The following INPP5B variants were observed in gnomAD, a reference collection of about 807,000 sequenced individuals.
The protein encoded by INPP5B is inositol polyphosphate-5-phosphatase B, also known as type II inositol 1,4,5-trisphosphate 5-phosphatase.
In INPP5B, 90 loss-of-function variants were observed where a neutral mutation model predicts 118.5. The observed-to-expected ratio is 0.76, with a 90% CI of 0.64 to 0.90. The LOEUF is 0.90. INPP5B is among the 40% of genes least tolerant of loss of function. The probability of loss-of-function intolerance (pLI) is 0.00; values close to 1 mark genes in which losing one functional copy is unlikely to be tolerated. For synonymous variants in INPP5B, 385 were observed against 418.9 expected, an observed-to-expected ratio of 0.92 and a Z score of 0.99; for missense variants, 984 against 1,125.6, an observed-to-expected ratio of 0.87 and a Z score of 1.80.
At position 37,932,012 on chromosome 1, in the gene INPP5B, A is replaced by G; in HGVS notation, c.433T>C (p.Ser145Pro). 1 of 1,607,902 alleles carries G rather than the reference A, an allele frequency of 6.2e-7. No individual in the cohort carries two copies. The highest frequency in any genetic ancestry group is 1.7e-5 in the Admixed American group (1 of 59,330). ...TCCAGCTCTGCGCACCTATACCGAG[A>G]CAGCCACAGGAATTCAGGATCCCGG... ...ATRDPEFLWL[S>P]RYRCAELELE... Residue 145 changes from serine (S) to proline (P), a missense_variant, in exon 7 of 24, where the codon TCT becomes CCT. Physicochemically the swap from Ser to Pro is moderately conservative, Grantham distance 74. This residue lies in a region of INPP5B where 350 missense variants were observed against 334.6 expected (regional missense o/e 1.05). Transcript: ENST00000373024.
intron 13 of INPP5B, among the ~76,000 whole-genome samples, chr1:37,884,866 A>G (rs968012552): frequency 2.6e-5 from 4 of 151,230 alleles, no homozygotes; most frequent in Non-Finnish European, 5.9e-5. Context: ...CAGGAGAATC[A>G]TTTGAACTGG....
At chr1:37,874,602 A>G (rs1038067823) in intron 17 of INPP5B, among the ~76,000 whole-genome samples, 1 of 152,322 alleles carries the variant, frequency 6.6e-6, no homozygotes, top group Non-Finnish European at 1.5e-5. Context: ...GTTCAAGACC[A>G]GCCTGGCCAA....
intron 7 of INPP5B, among the ~76,000 whole-genome samples, chr1:37,894,121 C>A (rs1245313606): frequency 6.6e-6 from 1 of 152,190 alleles, no homozygotes; most frequent in Non-Finnish European, 1.5e-5. Flanking sequence ...TATCACAAAG[C>A]ATTATTCTCT....
chr1:37,931,524 CAG>C, intron 7 of INPP5B: 1 of 1,535,802 alleles, frequency 6.5e-7, no homozygotes, highest in Non-Finnish European at 8.7e-7. Context: ...ACTTCTGCCC[CAG>C]TGTCCCAGCC....
At chr1:37,922,691 G>A (rs113556568) in intron 7 of INPP5B, among the ~76,000 whole-genome samples, 1,762 of 152,156 alleles carry the variant, frequency 0.012, 37 homozygotes, top group African/African-American at 0.041. Context: ...GCGAGACTCC[G>A]TCTCAAAAAA....
intron 7 of INPP5B, chr1:37,930,841 A>T (rs908359395): frequency 6.6e-6 from 1 of 152,264 alleles, no homozygotes; most frequent in African/African-American, 2.4e-5. Flanking sequence ...GCTACTTGAC[A>T]GGCTCTTCAT....
At chr1:37,868,070 C>G (rs1642157281) in intron 20 of INPP5B, among the ~76,000 whole-genome samples, 1 of 152,252 alleles carries the variant, frequency 6.6e-6, no homozygotes, top group Non-Finnish European at 1.5e-5. Context: ...AGCGCGGTGG[C>G]TCATGCCTGT....
Position 37,878,253 on chromosome 1 carries a change from A to T in INPP5B, c.1612T>A (p.Tyr538Asn), listed in dbSNP as rs761631706. The T allele has an allele frequency of 6.2e-7, 1 of 1,614,168 alleles. No individual in the cohort carries two copies. The highest frequency in any genetic ancestry group is 8.5e-7 in the Non-Finnish European group (1 of 1,180,022). ...GTCTTCAGGGCCATGTGGCTCTGGT[A>T]ACTCAGCTGAGTGATGTTCTTCCCT... ...WKGKNITQLS[Y>N]QSHMALKTSD... is the part of the protein sequence containing the mutation. Residue 538 changes from tyrosine to asparagine, a missense_variant, in exon 16 of 24, where the codon TAC (tyrosine) becomes AAC (asparagine). This residue lies in a region of INPP5B where 634 missense variants were observed against 791.0 expected (regional missense o/e 0.80). Coordinates refer to ENST00000373024, the MANE Select transcript of INPP5B (RefSeq NM_005540.3).
At chr1:37,931,755 C>T in intron 7 of INPP5B, 158 bp downstream of exon 7, 1 of 1,601,622 alleles carries the variant, frequency 6.2e-7, no homozygotes, top group Non-Finnish European at 8.5e-7. Context: ...GCCGCCCGTC[C>T]CGCGCGCTCC....
intron 7 of INPP5B, among the ~76,000 whole-genome samples, chr1:37,898,583 T>C (rs1001450117): frequency 9.9e-5 from 15 of 151,770 alleles, no homozygotes; most frequent in African/African-American, 3.6e-4. Context: ...TAGTCCCAGC[T>C]ACTCGGGAGG....
At chr1:37,872,097 T>C (rs940360900) in intron 19 of INPP5B, among the ~76,000 whole-genome samples, 5 of 136,122 alleles carry the variant, frequency 3.7e-5, no homozygotes, top group Admixed American at 7.6e-5. Context: ...CCAGGCGCGG[T>C]GGCTCATGCC....
rs529086263 is a variant in INPP5B, at chr1:37,882,760, A to T, written c.1431+47T>A. Reference sequence around the variant, plus strand: ...GGAAGCCAGGCTTTTCTGTGCCCTCATGGTGGAGGACAGCTGCTGGAAGAG... The same window carrying T: ...GGAAGCCAGGCTTTTCTGTGCCCTCTTGGTGGAGGACAGCTGCTGGAAGAG... On this transcript the variant is annotated intron_variant, in intron 14 of 23. Coordinates refer to ENST00000373024, the MANE Select transcript of INPP5B (RefSeq NM_005540.3). The T allele has an allele frequency of 5.5e-6, 8 of 1,449,134 alleles. No homozygotes were observed. In the African/African-American group the frequency reaches 8.4e-5, roughly 15 times the overall value. 89.8% of individuals were successfully genotyped at this position (1,449,134 alleles called of 1,614,324 possible). A position where few individuals can be genotyped will look rare whatever the true frequency, so the allele number is the denominator to read the frequency against.
At chr1:37,914,059 C>T (rs531364749) in intron 7 of INPP5B, among the ~76,000 whole-genome samples, 1 of 152,176 alleles carries the variant, frequency 6.6e-6, no homozygotes, top group South Asian at 2.1e-4. Context: ...GATAATCCTG[C>T]CACCCTTTGC....
At chr1:37,925,919 G>A (rs188624392) in intron 7 of INPP5B, among the ~76,000 whole-genome samples, 58 of 152,344 alleles carry the variant, frequency 3.8e-4, no homozygotes, top group African/African-American at 1.3e-3. Context: ...CTTAAAATAA[G>A]TTACTTAGGA....
At chr1:37,897,948 CA>C (rs35465817) in intron 7 of INPP5B, among the ~76,000 whole-genome samples, 37,392 of 151,504 alleles carry the variant, frequency 0.25, 5,254 homozygotes, top group Non-Finnish European at 0.31. Context: ...AAAAATATGG[CA>C]AGAAAAATAA....
At chr1:37,918,279 C>A (rs1240836910) in intron 7 of INPP5B, among the ~76,000 whole-genome samples, 3 of 152,202 alleles carry the variant, frequency 2.0e-5, no homozygotes, top group Non-Finnish European at 2.9e-5. Context: ...TGCTCTAAAT[C>A]TTCCTGTACA....
chr1:37,916,788 C>G (rs1387037649), intron 7 of INPP5B, among the ~76,000 whole-genome samples: 1 of 151,978 alleles, frequency 6.6e-6, no homozygotes, highest in African/African-American at 2.4e-5. Context: ...ATGGAAATAC[C>G]CCATTTGTTT....
chr1:37,942,424 ACT>A (rs1286853724), intron 5 of INPP5B, among the ~76,000 whole-genome samples: 1 of 152,002 alleles, frequency 6.6e-6, no homozygotes, highest in Non-Finnish European at 1.5e-5. Context: ...ACAGAGCGAG[ACT>A]CTGTCTCAAA....
chr1:37,931,889 GT>G, intron 7 of INPP5B, 23 bp downstream of exon 7: 1 of 1,613,774 alleles, frequency 6.2e-7, no homozygotes, highest in Non-Finnish European at 8.5e-7. Context: ...AATCCCCACC[GT>G]TTCTTCCGGG....
Sources: gnomAD v4.1 joint callset for allele counts (sites outside exome capture counted in the v4.1 genomes callset) on GRCh38, gnomAD v4.1.1 for gene constraint, gnomAD v4.1.1 regional missense constraint, MANE v1.5 for transcripts, NCBI Gene and HGNC (gene_info 2026-07-23, HGNC 2026-07-21) for gene names.